Variants in KPNA1 observed in about 807,000 individuals in gnomAD.
KPNA1 encodes karyopherin subunit alpha 1.
A neutral mutation model predicts 70.5 loss-of-function variants in KPNA1; 10 were observed. The ratio of observed to expected loss-of-function variants is 0.14; its 90% CI spans 0.09 to 0.24. KPNA1 has a LOEUF of 0.24. KPNA1 is among the 10% of genes least tolerant of loss of function. KPNA1 has a pLI of 1.00. For synonymous variants in KPNA1, 192 were observed against 221.9 expected, an observed-to-expected ratio of 0.87 and a Z score of 1.20; for missense variants, 397 against 637.9, an observed-to-expected ratio of 0.62 and a Z score of 4.07.
chr3:122,426,137 T>G lies in KPNA1; in HGVS notation c.*848A>C, dbSNP rs963553377. The G allele has an allele frequency of 6.6e-6, 1 of 152,256 alleles. No individual in the cohort carries two copies. The highest frequency in any genetic ancestry group is 1.5e-5 in the Non-Finnish European group (1 of 68,044). 9.4% of individuals were successfully genotyped at this position (152,256 alleles called of 1,614,324 possible). A position where few individuals can be genotyped will look rare whatever the true frequency, so the allele number is the denominator to read the frequency against. ...GTTTTTTTTATTAAATTACAGGATA[T>G]GGTTTTCGATTACTAAGTATTCGAA... is the stretch of plus-strand genomic sequence containing the variant. On this transcript the variant is annotated 3_prime_UTR_variant, in exon 14 of 14. Coordinates refer to ENST00000344337, the MANE Select transcript of KPNA1 (RefSeq NM_002264.4).
At chr3:122,454,743 T>C (rs1463426775) in intron 5 of KPNA1, among the ~76,000 whole-genome samples, 1 of 151,926 alleles carries the variant, frequency 6.6e-6, no homozygotes. Flanking sequence ...CAAACCAAAA[T>C]ACAGAGATAG....
intron 1 of KPNA1, among the ~76,000 whole-genome samples, chr3:122,503,506 A>T (rs2107505875): frequency 6.6e-6 from 1 of 152,338 alleles, no homozygotes; most frequent in South Asian, 2.1e-4. Context: ...AGCCTTCCAC[A>T]AGTCCCATGT....
Position 122,451,960 on chromosome 3 carries a change from G to T in KPNA1, c.653+16C>A. 6.8e-7 allele frequency: 1 copy of T among 1,466,002 alleles called. No individual in the cohort carries two copies. The highest frequency in any genetic ancestry group is 9.4e-7 in the Non-Finnish European group (1 of 1,064,194). The allele number at this position is 1,466,002 out of a possible 1,614,324, so 90.8% of individuals were successfully genotyped here. ...CTCAAAAAGAAAAAAAAAGGAAGAA[G>T]GAAGAAGAAACTTACTGCAAAAGAG... On this transcript the variant is annotated intron_variant, in intron 7 of 13. Coordinates refer to ENST00000344337, the MANE Select transcript of KPNA1 (RefSeq NM_002264.4).
At chr3:122,457,463 T>C (rs1282287779) in intron 5 of KPNA1, among the ~76,000 whole-genome samples, 1 of 152,210 alleles carries the variant, frequency 6.6e-6, no homozygotes, top group African/African-American at 2.4e-5. Context: ...TCTTCACTTC[T>C]TTTGTTGTTT....
At chr3:122,459,729 GTC>G in intron 5 of KPNA1, 1 of 985,494 alleles carries the variant, frequency 1.0e-6, no homozygotes, top group Non-Finnish European at 1.2e-6. Context: ...ACTGGTAAGT[GTC>G]AAACTGGAGA....
intron 1 of KPNA1, among the ~76,000 whole-genome samples, chr3:122,504,100 C>CTTAG (rs1479480204): frequency 1.3e-5 from 2 of 152,172 alleles, no homozygotes; most frequent in Non-Finnish European, 2.9e-5. Context: ...AAACCATGGA[C>CTTAG]TTAGAGTGAG....
chr3:122,454,088 A>G, intron 5 of KPNA1, 87 bp from the exon 6 acceptor site: 1 of 899,026 alleles, frequency 1.1e-6, no homozygotes, highest in Non-Finnish European at 1.6e-6. Flanking sequence ...TACATGAAAA[A>G]AAGATTCTGA....
intron 6 of KPNA1, among the ~76,000 whole-genome samples, chr3:122,453,545 G>GT (rs1376682988): frequency 4.3e-4 from 65 of 151,200 alleles, no homozygotes; most frequent in African/African-American, 1.1e-3. Flanking sequence ...TGTTTGTTTT[G>GT]TTTTTTTTGA....
chr3:122,499,139 A>AAAC (rs56078506), intron 1 of KPNA1, among the ~76,000 whole-genome samples: 56,714 of 151,574 alleles, frequency 0.37, 10,947 homozygotes, highest in East Asian at 0.54. Flanking sequence ...TGTCGTCTAC[A>AAAC]ATATAGCTTT....
intron 1 of KPNA1, among the ~76,000 whole-genome samples, chr3:122,507,451 A>AG (rs1273966150): frequency 2.2e-4 from 34 of 151,954 alleles, no homozygotes; most frequent in African/African-American, 8.2e-4. Flanking sequence ...AAAAAAAAAA[A>AG]AAAAGAAAAG....
chr3:122,456,936 T>C (rs1008100794), intron 5 of KPNA1, among the ~76,000 whole-genome samples: 2 of 152,226 alleles, frequency 1.3e-5, no homozygotes, highest in South Asian at 4.1e-4. Context: ...TTTGCTGTTT[T>C]CACTTTGTGA....
In KPNA1 at chr3:122,451,648, G is replaced by C; in HGVS notation, c.654-15C>G. ...TTGAAAATAACCTAAAAGCACGATG[G>C]TACAATGGTAAACTATGTAACAGAC... On this transcript the variant is annotated splice_polypyrimidine_tract_variant and intron_variant, in intron 7 of 13. Transcript: ENST00000344337. 2 of 1,526,682 alleles carry C rather than the reference G, an allele frequency of 1.3e-6. No homozygotes were observed. The highest frequency in any genetic ancestry group is 1.1e-5 in the South Asian group (1 of 88,818). The allele number at this position is 1,526,682 out of a possible 1,614,324, so 94.6% of individuals were successfully genotyped here.
intron 1 of KPNA1, among the ~76,000 whole-genome samples, chr3:122,510,903 A>T (rs947419648): frequency 6.6e-6 from 1 of 152,150 alleles, no homozygotes; most frequent in Non-Finnish European, 1.5e-5. Flanking sequence ...CGACGGTTAT[A>T]TTAGATCTTC....
At chr3:122,463,735 T>G (rs1451269923) in intron 4 of KPNA1, among the ~76,000 whole-genome samples, 2 of 152,178 alleles carry the variant, frequency 1.3e-5, no homozygotes, top group Non-Finnish European at 2.9e-5. Context: ...ATGAAAATAA[T>G]TCTGTTTTCT....
At chr3:122,503,408 AAAAGG>A (rs1208788741) in intron 1 of KPNA1, among the ~76,000 whole-genome samples, 1 of 152,230 alleles carries the variant, frequency 6.6e-6, no homozygotes, top group Non-Finnish European at 1.5e-5. Flanking sequence ...TAAAAAATCT[AAAAGG>A]AAAGAAATGT....
intron 9 of KPNA1, among the ~76,000 whole-genome samples, chr3:122,449,076 A>AT (rs893571185): frequency 1.3e-5 from 2 of 152,050 alleles, no homozygotes; most frequent in African/African-American, 4.8e-5. Flanking sequence ...TATCACTTTC[A>AT]TTTTTTTCTT....
intron 2 of KPNA1, among the ~76,000 whole-genome samples, chr3:122,487,159 C>T (rs2076638925): frequency 2.0e-5 from 3 of 152,110 alleles, no homozygotes; most frequent in Admixed American, 6.6e-5. Flanking sequence ...ACAGATCAGG[C>T]TGACAAAACC....
At chr3:122,490,412 G>T (rs2076684894) in intron 2 of KPNA1, among the ~76,000 whole-genome samples, 1 of 152,190 alleles carries the variant, frequency 6.6e-6, no homozygotes, top group Admixed American at 6.5e-5. Flanking sequence ...CTGTTTTCAT[G>T]TATTTTATCT....
chr3:122,451,473 T>C (rs1284278358), intron 8 of KPNA1, 61 bp downstream of exon 8: 12 of 823,216 alleles, frequency 1.5e-5, no homozygotes, highest in Non-Finnish European at 9.9e-6. Context: ...ACCTTACCAT[T>C]GGTTGCAATA....
Sources: gnomAD v4.1 joint callset for allele counts (sites outside exome capture counted in the v4.1 genomes callset) on GRCh38, gnomAD v4.1.1 for gene constraint, MANE v1.5 for transcripts, NCBI Gene and HGNC (gene_info 2026-07-23, HGNC 2026-07-21) for gene names.